The following CSNK1G1 variants were observed in gnomAD, a reference collection of about 807,000 sequenced individuals.
CSNK1G1 encodes casein kinase I isoform gamma-1.
A neutral mutation model predicts 59.6 loss-of-function variants in CSNK1G1; 22 were observed. That is an observed-to-expected ratio of 0.37 (90% CI 0.26 to 0.53). CSNK1G1 has a LOEUF of 0.53. Ranked by LOEUF, CSNK1G1 falls within the 20% of genes least tolerant of loss-of-function variation. The probability of loss-of-function intolerance (pLI) is 0.89; values close to 1 mark genes in which losing one functional copy is unlikely to be tolerated. For missense variants in CSNK1G1, 384 were observed against 519.5 expected (o/e 0.74, Z 2.54); for synonymous variants, 179 against 177.1 (o/e 1.01, Z -0.08).
chr15:64,272,600 T>A (rs2140351896), intron 2 of CSNK1G1, among the ~76,000 whole-genome samples: 1 of 152,302 alleles, frequency 6.6e-6, no homozygotes, highest in Admixed American at 6.5e-5. Flanking sequence ...ATCCTGACAA[T>A]GTGTTGTTAG....
At chr15:64,230,364 C>A (rs1159013745) in intron 4 of CSNK1G1, among the ~76,000 whole-genome samples, 4 of 151,898 alleles carry the variant, frequency 2.6e-5, no homozygotes, top group African/African-American at 9.7e-5. Flanking sequence ...TGGCACAAAC[C>A]ATGGCTCACT....
chr15:64,281,294 T>G (rs1201527612), intron 2 of CSNK1G1, among the ~76,000 whole-genome samples: 4 of 152,026 alleles, frequency 2.6e-5, no homozygotes, highest in Non-Finnish European at 1.5e-5. Flanking sequence ...ATATCTGAAG[T>G]AGTCAAATTC....
chr15:64,307,228 C>T (rs1484999002), intron 1 of CSNK1G1, among the ~76,000 whole-genome samples: 4 of 151,646 alleles, frequency 2.6e-5, no homozygotes, highest in African/African-American at 4.8e-5. Context: ...TAGGGGAAAA[C>T]GGGGGTGGAG....
intron 5 of CSNK1G1, among the ~76,000 whole-genome samples, chr15:64,215,275 C>T (rs1370325290): frequency 2.2e-5 from 3 of 135,712 alleles, no homozygotes; most frequent in South Asian, 2.3e-4. Flanking sequence ...TGCAGTGGCA[C>T]GATCTCGGCT....
intron 4 of CSNK1G1, among the ~76,000 whole-genome samples, chr15:64,225,818 G>C (rs930255369): frequency 4.6e-5 from 7 of 152,218 alleles, no homozygotes; most frequent in African/African-American, 1.7e-4. Flanking sequence ...GTAGAGTCGG[G>C]GTTTCGCTAT....
intron 6 of CSNK1G1, among the ~76,000 whole-genome samples, chr15:64,211,749 T>G (rs2082252425): frequency 6.6e-6 from 1 of 152,226 alleles, no homozygotes; most frequent in East Asian, 1.9e-4. Context: ...GGATCAAAAT[T>G]ACATAGCTAT....
chr15:64,268,720 GGTGT>G (rs1451740050), intron 2 of CSNK1G1, among the ~76,000 whole-genome samples: 1 of 152,030 alleles, frequency 6.6e-6, no homozygotes, highest in African/African-American at 2.4e-5. Flanking sequence ...AGTGAATGTG[GGTGT>G]GTGTGTCAGC....
chr15:64,309,141 T>C (rs1013516882), intron 1 of CSNK1G1, among the ~76,000 whole-genome samples: 3 of 152,160 alleles, frequency 2.0e-5, no homozygotes, highest in Non-Finnish European at 4.4e-5. Flanking sequence ...GCAATTACAG[T>C]GCCCCTCTTA....
chr15:64,355,651 G>C (rs1898617223), intron 1 of CSNK1G1, among the ~76,000 whole-genome samples: 1 of 152,154 alleles, frequency 6.6e-6, no homozygotes, highest in Non-Finnish European at 1.5e-5. Flanking sequence ...CGAGATCTGT[G>C]CCCTCCTTTT....
chr15:64,337,196 C>G (rs918232598), intron 1 of CSNK1G1, among the ~76,000 whole-genome samples: 5 of 152,182 alleles, frequency 3.3e-5, no homozygotes, highest in African/African-American at 1.2e-4. Context: ...CCACTGTATG[C>G]CAGCCTGGGC....
chr15:64,338,504 A>G (rs1897505441), intron 1 of CSNK1G1, among the ~76,000 whole-genome samples: 1 of 151,912 alleles, frequency 6.6e-6, no homozygotes, highest in Non-Finnish European at 1.5e-5. Context: ...GTTCGAGACT[A>G]GCCTGACCAA....
chr15:64,213,138 T>A (rs1429199741), intron 6 of CSNK1G1, among the ~76,000 whole-genome samples: 1 of 152,178 alleles, frequency 6.6e-6, no homozygotes, highest in Non-Finnish European at 1.5e-5. Flanking sequence ...AGAATGTTGA[T>A]TTTCAAACAT....
rs1423299319 is a variant in CSNK1G1, at chr15:64,204,470, A to G, written c.970T>C (p.Tyr324His). 7.5e-6 allele frequency: 12 copies of G among 1,610,652 alleles called. No individual in the cohort carries two copies. Among genetic ancestry groups the G allele is most frequent in the Non-Finnish European group, 1.0e-5 (12 of 1,178,962 alleles). ...GGTCTCCCAACCCAATCATAGGCATAGTCAAAGGTGTAGCCTTTCTTTTCA... is the reference window on the plus strand; with the variant it reads ...GGTCTCCCAACCCAATCATAGGCATGGTCAAAGGTGTAGCCTTTCTTTTCA... ...LFEKKGYTFD[Y>H]AYDWVGRPIP... is the part of the protein sequence containing the mutation. The change falls in exon 9 of 12, where the codon TAT (tyrosine) becomes CAT (histidine). Residue 324 changes from tyrosine to histidine, a missense_variant. By Grantham distance (83) the Tyr-to-His change is moderately conservative. Coordinates refer to ENST00000303052, the MANE Select transcript of CSNK1G1 (RefSeq NM_022048.5).
At chr15:64,220,792 G>C (rs2082378865) in intron 4 of CSNK1G1, among the ~76,000 whole-genome samples, 2 of 152,054 alleles carry the variant, frequency 1.3e-5, no homozygotes, top group South Asian at 4.1e-4. Context: ...GGCCTCAAGT[G>C]ATCTGCCTGC....
At chr15:64,177,105 T>C (rs1377671603) in intron 11 of CSNK1G1, among the ~76,000 whole-genome samples, 1 of 152,244 alleles carries the variant, frequency 6.6e-6, no homozygotes, top group Non-Finnish European at 1.5e-5. Flanking sequence ...ATGTTCGTTT[T>C]GTACACAGAA....
Position 64,239,830 on chromosome 15 carries a change from G to T in CSNK1G1, c.292+11682C>A, listed in dbSNP as rs189368905. On this transcript the variant is annotated intron_variant, in intron 4 of 11. Transcript: ENST00000303052. ...ACCAAACAGATTTCCCACAGATGAA[G>T]AATTCAATGAATTAAATAAAAAGTA... Among the ~76,000 whole-genome samples, 591 of 152,244 alleles carry T rather than the reference G, an allele frequency of 3.9e-3. 4 individuals are homozygous for T. Among genetic ancestry groups the T allele is most frequent in the African/African-American group, 0.014 (571 of 41,552 alleles).
intron 4 of CSNK1G1, among the ~76,000 whole-genome samples, chr15:64,236,199 G>A (rs955283274): frequency 4.6e-5 from 7 of 151,122 alleles, no homozygotes; most frequent in East Asian, 1.9e-4. Context: ...GAAAAGTTGA[G>A]CTAAACTTTT....
chr15:64,296,253 T>C (rs1895016336), intron 2 of CSNK1G1, among the ~76,000 whole-genome samples: 1 of 152,264 alleles, frequency 6.6e-6, no homozygotes, highest in Non-Finnish European at 1.5e-5. Flanking sequence ...CCCAAGTAGC[T>C]AGGACTACAG....
chr15:64,267,492 T>C, intron 2 of CSNK1G1, among the ~76,000 whole-genome samples: 1 of 152,040 alleles, frequency 6.6e-6, no homozygotes, highest in East Asian at 1.9e-4. Context: ...AATTTAAAAA[T>C]GGGCAAAAAA....
Sources: allele counts gnomAD v4.1 joint callset (sites outside exome capture counted in the v4.1 genomes callset), GRCh38; gene constraint gnomAD v4.1.1; transcripts MANE v1.5; gene names NCBI Gene and HGNC (gene_info 2026-07-23, HGNC 2026-07-21).